Variants in GRXCR2 observed in about 807,000 individuals in gnomAD.
GRXCR2 encodes the protein glutaredoxin and cysteine rich domain containing 2.
In GRXCR2, 23 loss-of-function variants were observed where a neutral mutation model predicts 24.8. That is an observed-to-expected ratio of 0.93 (90% confidence interval 0.67 to 1.32). The LOEUF is 1.32. Among genes scored for constraint, GRXCR2 ranks in the 40% most tolerant of loss-of-function variants. The pLI, the probability that GRXCR2 is intolerant of heterozygous loss-of-function variation, is 0.00. For missense variants in GRXCR2, 315 were observed against 303.4 expected (o/e 1.04, Z -0.28); for synonymous variants, 130 against 116.1 (o/e 1.12, Z -0.77).
intron 2 of GRXCR2, among the ~76,000 whole-genome samples, chr5:145,895,957 G>C (rs1756942433): frequency 2.0e-5 from 3 of 152,160 alleles, no homozygotes; most frequent in Admixed American, 2.0e-4. Flanking sequence ...GAACAGAACA[G>C]AGCCCTCAGA....
At chr5:145,921,573 C>G (rs1315202855) in intron 2 of GRXCR2, among the ~76,000 whole-genome samples, 1 of 152,198 alleles carries the variant, frequency 6.6e-6, no homozygotes, top group African/African-American at 2.4e-5. Context: ...TCCGGAGAAG[C>G]AAAGCCCTTA....
At chr5:145,913,687 A>T (rs201767940) in intron 2 of GRXCR2, among the ~76,000 whole-genome samples, 2 of 152,106 alleles carry the variant, frequency 1.3e-5, no homozygotes, top group Non-Finnish European at 2.9e-5. Context: ...TTTAATTTTT[A>T]AAAATTTTTT....
intron 2 of GRXCR2, among the ~76,000 whole-genome samples, chr5:145,923,211 G>A (rs1757348923): frequency 6.6e-6 from 1 of 152,128 alleles, no homozygotes; most frequent in South Asian, 2.1e-4. Context: ...TGATATGGTG[G>A]TCCGGGACTA....
chr5:145,898,802 C>G (rs367771769), intron 2 of GRXCR2, among the ~76,000 whole-genome samples: 1 of 152,162 alleles, frequency 6.6e-6, no homozygotes, highest in Non-Finnish European at 1.5e-5. Context: ...ATGACAAACT[C>G]ACAGCCAATA....
chr5:145,898,309 C>T (rs1054364928), intron 2 of GRXCR2, among the ~76,000 whole-genome samples: 1 of 151,098 alleles, frequency 6.6e-6, no homozygotes, highest in Non-Finnish European at 1.5e-5. Flanking sequence ...AGCCTACCAA[C>T]CAAGAAAAGC....
Position 145,859,695 on chromosome 5 carries a change from G to T in GRXCR2, c.*38C>A. The T allele has an allele frequency of 1.3e-6, 2 of 1,599,736 alleles. No individual in the cohort carries two copies. The highest frequency in any genetic ancestry group is 1.7e-6 in the Non-Finnish European group (2 of 1,167,172). On this transcript the variant is annotated 3_prime_UTR_variant, in exon 3 of 3. Coordinates refer to ENST00000377976, the MANE Select transcript of GRXCR2 (RefSeq NM_001080516.2). ...GGCGGTTTATTAGAAATAACTTTAG[G>T]GAGGGTAAGATAACAGTGGACATGC...
chr5:145,906,233 C>T (rs1757088543), intron 2 of GRXCR2, among the ~76,000 whole-genome samples: 1 of 151,912 alleles, frequency 6.6e-6, no homozygotes, highest in Admixed American at 6.6e-5. Context: ...TCAGATGATT[C>T]GACTGGCCAA....
At chr5:145,863,547 G>A (rs1339270139) in intron 2 of GRXCR2, among the ~76,000 whole-genome samples, 1 of 152,146 alleles carries the variant, frequency 6.6e-6, no homozygotes, top group Non-Finnish European at 1.5e-5. Context: ...GAAAATACAT[G>A]CTCCTACAAC....
chr5:145,916,287 G>T (rs1248178511), intron 2 of GRXCR2, among the ~76,000 whole-genome samples: 1 of 152,198 alleles, frequency 6.6e-6, no homozygotes, highest in Non-Finnish European at 1.5e-5. Context: ...ATTAGATGAG[G>T]AATAAAAAAG....
At chr5:145,860,747 A>C (rs1406743624) in intron 2 of GRXCR2, among the ~76,000 whole-genome samples, 2 of 152,206 alleles carry the variant, frequency 1.3e-5, no homozygotes, top group African/African-American at 4.8e-5. Flanking sequence ...GTGCAACTTG[A>C]ATAGTTCCCT....
chr5:145,884,357 C>T (rs1756746477), intron 2 of GRXCR2, among the ~76,000 whole-genome samples: 1 of 151,876 alleles, frequency 6.6e-6, no homozygotes, highest in Non-Finnish European at 1.5e-5. Context: ...GGAAACATAA[C>T]CACGTGCAGT....
chr5:145,890,770 A>C (rs1434795377), intron 2 of GRXCR2, among the ~76,000 whole-genome samples: 1 of 152,110 alleles, frequency 6.6e-6, no homozygotes, highest in Non-Finnish European at 1.5e-5. Flanking sequence ...TTCACATGTT[A>C]ATATTAATTT....
chr5:145,872,399 G>T (rs1326829026), intron 1 of GRXCR2, among the ~76,000 whole-genome samples: 1 of 152,112 alleles, frequency 6.6e-6, no homozygotes. Flanking sequence ...GTATTACCTT[G>T]GATGGAATTT....
At chr5:145,915,430 C>A (rs1167611632) in intron 2 of GRXCR2, among the ~76,000 whole-genome samples, 1 of 152,122 alleles carries the variant, frequency 6.6e-6, no homozygotes, top group Non-Finnish European at 1.5e-5. Flanking sequence ...TCTCCACATT[C>A]TCCAACTTTC....
intron 2 of GRXCR2, among the ~76,000 whole-genome samples, chr5:145,892,303 GAGA>G (rs770741714): frequency 6.6e-6 from 1 of 152,212 alleles, no homozygotes; most frequent in Non-Finnish European, 1.5e-5. Flanking sequence ...AACCAGTGGA[GAGA>G]AGAAGGCTTC....
At chr5:145,875,545 CA>C (rs963001908), upstream of GRXCR2, among the ~76,000 whole-genome samples, 1 of 147,342 alleles carries the variant, frequency 6.8e-6, no homozygotes, top group Admixed American at 6.7e-5. Context: ...GAGACTCCAT[CA>C]AAAAAAAATA....
At chr5:145,913,930 G>A (rs36104140) in intron 2 of GRXCR2, among the ~76,000 whole-genome samples, 5,429 of 152,234 alleles carry the variant, frequency 0.036, 196 homozygotes, top group African/African-American at 0.082. Context: ...TGTGTCAAAC[G>A]CTATGAAACA....
At chr5:145,905,285 C>T (rs956225091) in intron 2 of GRXCR2, among the ~76,000 whole-genome samples, 20 of 152,150 alleles carry the variant, frequency 1.3e-4, no homozygotes, top group Non-Finnish European at 2.9e-4. Flanking sequence ...TTTCTTTATC[C>T]TTAAAATAGA....
upstream of GRXCR2, among the ~76,000 whole-genome samples, chr5:145,874,616 C>T (rs1756585188): frequency 6.6e-6 from 1 of 152,210 alleles, no homozygotes; most frequent in Non-Finnish European, 1.5e-5. Context: ...CCAAGGACTT[C>T]CCTACTCACC....
Sources: allele counts gnomAD v4.1 joint callset (sites outside exome capture counted in the v4.1 genomes callset), GRCh38; gene constraint gnomAD v4.1.1; transcripts MANE v1.5; gene names NCBI Gene and HGNC (gene_info 2026-07-23, HGNC 2026-07-21).